GLRA3: variants seen among roughly 807,000 people sequenced by gnomAD.
GLRA3 encodes glycine receptor subunit alpha-3.
Under a neutral mutation model 60.4 loss-of-function variants are expected in GLRA3, and 44 were observed. The ratio of observed to expected loss-of-function variants is 0.73; its 90% CI spans 0.57 to 0.94. The LOEUF is 0.94. Among genes scored for constraint, GLRA3 ranks in the 40% least tolerant of loss-of-function variants. GLRA3 has a pLI of 0.00. For missense variants in GLRA3, 508 were observed against 564.6 expected, an observed-to-expected ratio of 0.90 and a Z score of 1.02; for synonymous variants, 223 against 192.9, an observed-to-expected ratio of 1.16 and a Z score of -1.29.
intron 5 of GLRA3, among the ~76,000 whole-genome samples, chr4:174,692,940 A>C (rs2111018496): frequency 6.9e-6 from 1 of 145,898 alleles, no homozygotes; most frequent in Non-Finnish European, 1.5e-5. Context: ...GATCAATAAA[A>C]AAAAAATAAA....
intron 9 of GLRA3, among the ~76,000 whole-genome samples, chr4:174,650,761 C>T (rs1194390496): frequency 6.6e-6 from 1 of 152,140 alleles, no homozygotes; most frequent in East Asian, 1.9e-4. Flanking sequence ...TGACAATGGG[C>T]CAATGATGGA....
At chr4:174,687,769 T>C (rs902382604) in intron 5 of GLRA3, among the ~76,000 whole-genome samples, 3 of 152,200 alleles carry the variant, frequency 2.0e-5, no homozygotes, top group African/African-American at 4.8e-5. Flanking sequence ...ATATGTACGA[T>C]GAAGTGTGTC....
At chr4:174,650,240 T>G (rs1039166667) in intron 9 of GLRA3, among the ~76,000 whole-genome samples, 1 of 152,126 alleles carries the variant, frequency 6.6e-6, no homozygotes, top group Non-Finnish European at 1.5e-5. Flanking sequence ...CTGTTAAAAT[T>G]TGGCAGGTAC....
chr4:174,803,700 T>A (rs987102889), intron 1 of GLRA3, among the ~76,000 whole-genome samples: 1 of 152,204 alleles, frequency 6.6e-6, no homozygotes, highest in Non-Finnish European at 1.5e-5. Flanking sequence ...CGGTCAGGGA[T>A]ATTTTTAATT....
chr4:174,776,829 A>G (rs1738623312), intron 2 of GLRA3, among the ~76,000 whole-genome samples: 2 of 152,214 alleles, frequency 1.3e-5, no homozygotes, highest in South Asian at 4.1e-4. Flanking sequence ...GCAGCTTGTA[A>G]CACAACGTCC....
chr4:174,645,420 C>CAA lies in GLRA3; in HGVS notation c.1117-1358_1117-1357dup, dbSNP rs201216075. Among the ~76,000 whole-genome samples the CAA allele has an allele frequency of 4.7e-3, 355 of 75,998 alleles. 10 individuals carry two copies. Among genetic ancestry groups the CAA allele is most frequent in the African/African-American group, 0.012 (291 of 25,020 alleles). The allele number at this position is 75,998 out of a possible 152,430, so 49.9% of individuals were successfully genotyped here. A position where few individuals can be genotyped will look rare whatever the true frequency, so the allele number is the denominator to read the frequency against. The stretch of plus-strand genomic sequence containing the variant: ...GAGCGACAGAGTGAGACTCCGTCTC[C>CAA]AAAAAAAAAAAAAAAAAAGAAAATG... On this transcript the variant is annotated intron_variant, in intron 9 of 9. Transcript: ENST00000274093.
intron 4 of GLRA3, among the ~76,000 whole-genome samples, chr4:174,717,921 C>T (rs1451566918): frequency 6.6e-6 from 1 of 152,136 alleles, no homozygotes; most frequent in Admixed American, 6.5e-5. Context: ...ATTCTGTGAC[C>T]TTTTGTTTGG....
intron 9 of GLRA3, among the ~76,000 whole-genome samples, chr4:174,654,874 G>A (rs541101055): frequency 6.6e-6 from 1 of 152,242 alleles, no homozygotes; most frequent in East Asian, 1.9e-4. Context: ...GGCTGGGACA[G>A]TGTGGGGTGG....
At position 174,688,579 on chromosome 4, in the gene GLRA3, AGTGTGTGTGTGTGTGTGT is replaced by A. The variant is rs59653917; in HGVS notation, c.575-5658_575-5641del. On this transcript the variant is annotated intron_variant, in intron 5 of 9. Transcript: ENST00000274093. ...GAGAAGGGATAAAGGGGAAGGAGGA[AGTGTGTGTGTGTGTGTGT>A]GTGTGTGTGTGTGTGTGTGTGACGT... 6.0e-5 allele frequency among the ~76,000 whole-genome samples: 8 copies of A among 133,934 alleles called. 1 individual carries two copies. Among genetic ancestry groups the A allele is most frequent in the African/African-American group, 2.3e-4 (8 of 35,106 alleles). The allele number at this position is 133,934 out of a possible 152,430, so 87.9% of individuals were successfully genotyped here.
chr4:174,826,658 CTG>C (rs1287667380), intron 1 of GLRA3, among the ~76,000 whole-genome samples: 1 of 152,106 alleles, frequency 6.6e-6, no homozygotes, highest in Non-Finnish European at 1.5e-5. Flanking sequence ...TTATAAATAT[CTG>C]TGGTTTCTGG....
chr4:174,793,776 T>C (rs1739457326), intron 1 of GLRA3, among the ~76,000 whole-genome samples: 1 of 152,172 alleles, frequency 6.6e-6, no homozygotes, highest in Non-Finnish European at 1.5e-5. Flanking sequence ...GAGTAAATAT[T>C]CTAAGTGACT....
chr4:174,744,276 A>G (rs912810979), intron 3 of GLRA3, among the ~76,000 whole-genome samples: 1 of 152,236 alleles, frequency 6.6e-6, no homozygotes, highest in African/African-American at 2.4e-5. Flanking sequence ...TAAGAACGCA[A>G]TCACCTACGT....
chr4:174,662,274 G>C (rs975432040), intron 7 of GLRA3, among the ~76,000 whole-genome samples: 1 of 152,160 alleles, frequency 6.6e-6, no homozygotes, highest in African/African-American at 2.4e-5. Context: ...AAAAATGAGA[G>C]ATACTTATAT....
chr4:174,719,043 G>A lies in GLRA3; in HGVS notation c.492-3473C>T, dbSNP rs1470353281. ...AGTGGCGCAATCTCGGCTCACTGCA[G>A]GCTCCGCCCCCTGGGGTTCACCCCA... On this transcript the variant is annotated intron_variant, in intron 4 of 9. Transcript: ENST00000274093. Among the ~76,000 whole-genome samples, 7 of 140,622 alleles carry A rather than the reference G, an allele frequency of 5.0e-5. No homozygotes were observed. The South Asian group carries it at 6.8e-4, about 14-fold the overall frequency. The allele number at this position is 140,622 out of a possible 152,430, so 92.3% of individuals were successfully genotyped here.
At chr4:174,779,096 G>A (rs1470798103) in intron 2 of GLRA3, among the ~76,000 whole-genome samples, 1 of 152,178 alleles carries the variant, frequency 6.6e-6, no homozygotes, top group Non-Finnish European at 1.5e-5. Context: ...AGAGAGCAGT[G>A]GTTCTCCCAG....
rs1233850016 is a variant in GLRA3, at chr4:174,637,976, G to A, written c.*5810C>T. 6.6e-6 allele frequency: 1 copy of A among 151,542 alleles called. No homozygotes were observed. Among genetic ancestry groups the A allele is most frequent in the Non-Finnish European group, 1.5e-5 (1 of 68,002 alleles). 9.4% of individuals were successfully genotyped at this position (151,542 alleles called of 1,614,324 possible). The stretch of plus-strand genomic sequence containing the variant: ...ATGCTCTCATGAATGGTTTAAATAA[G>A]AATAAAGCTAGTGATAAGGGGTTGA... On this transcript the variant is annotated 3_prime_UTR_variant, in exon 10 of 10. Coordinates refer to ENST00000274093, the MANE Select transcript of GLRA3 (RefSeq NM_006529.4).
At chr4:174,743,649 T>C (rs189149610) in intron 3 of GLRA3, among the ~76,000 whole-genome samples, 10 of 152,284 alleles carry the variant, frequency 6.6e-5, no homozygotes, top group Admixed American at 1.3e-4. Context: ...AAGAAGTACC[T>C]GCCAGGATGA....
Position 174,640,557 on chromosome 4 carries a change from CT to C in GLRA3, c.*3228del, listed in dbSNP as rs1180865983. ...TATAGTATGGAAGATACATCTAAATCTTTTTTCAAATATTATAACTACTTAA... is the reference window on the plus strand; with the variant it reads ...TATAGTATGGAAGATACATCTAAATCTTTTTCAAATATTATAACTACTTAA... On this transcript the variant is annotated 3_prime_UTR_variant, in exon 10 of 10. Transcript: ENST00000274093. 6.6e-6 allele frequency: 1 copy of C among 151,908 alleles called. No homozygotes were observed. The highest frequency in any genetic ancestry group is 1.5e-5 in the Non-Finnish European group (1 of 67,924). The allele number at this position is 151,908 out of a possible 1,614,324, so 9.4% of individuals were successfully genotyped here.
chr4:174,709,803 G>C (rs1302231380), intron 5 of GLRA3, among the ~76,000 whole-genome samples: 1 of 152,036 alleles, frequency 6.6e-6, no homozygotes, highest in Non-Finnish European at 1.5e-5. Flanking sequence ...TCAGTGATGA[G>C]TTAGCATTCT....
Sources: allele counts gnomAD v4.1 joint callset (sites outside exome capture counted in the v4.1 genomes callset), GRCh38; gene constraint gnomAD v4.1.1; transcripts MANE v1.5; gene names NCBI Gene and HGNC (gene_info 2026-07-23, HGNC 2026-07-21).